Variants in ADCY10 observed in about 807,000 individuals in gnomAD.
ADCY10 encodes the protein adenylate cyclase type 10.
ADCY10 carries 156 observed loss-of-function variants against 183.3 expected under a neutral mutation model. The observed-to-expected ratio is 0.85, with a 90% confidence interval of 0.75 to 0.97. The LOEUF (loss-of-function observed/expected upper bound fraction) is 0.97. Among genes scored for constraint, ADCY10 ranks in the 50% least tolerant of loss-of-function variants. ADCY10 has a pLI of 0.00. For synonymous variants in ADCY10, 645 were observed against 670.0 expected, an observed-to-expected ratio of 0.96 and a Z score of 0.58; for missense variants, 1,745 against 1,934.3, an observed-to-expected ratio of 0.90 and a Z score of 1.84.
intron 8 of ADCY10, among the ~76,000 whole-genome samples, chr1:167,884,053 A>C (rs917615445): frequency 2.0e-5 from 3 of 152,220 alleles, no homozygotes; most frequent in Non-Finnish European, 4.4e-5. Context: ...TAATCACATC[A>C]GGGTAAATGG....
rs1314750784 is a variant in ADCY10, at chr1:167,833,023, T to C, written c.3557A>G (p.Tyr1186Cys). Reference sequence around the variant, plus strand: ...GCTCTCTTGGGCCTGCCGATTCACATAATGAAAGTGTCTGTTTTTCTCGAC... The same window carrying C: ...GCTCTCTTGGGCCTGCCGATTCACACAATGAAAGTGTCTGTTTTTCTCGAC... Reference protein sequence around the residue: ...IHVEKNRHFHYVNRQAQESPP... With the variant: ...IHVEKNRHFHCVNRQAQESPP... The change falls in exon 25 of 33, where the codon TAT (tyrosine) becomes TGT (cysteine). Residue 1186 changes from tyrosine (Y) to cysteine (C), a missense_variant. Physicochemically the swap from Tyr to Cys is radical, Grantham distance 194 (BLOSUM62 -2). Transcript: ENST00000367851. The C allele has an allele frequency of 6.2e-7, 1 of 1,613,986 alleles. No homozygotes were observed. Among genetic ancestry groups the C allele is most frequent in the Non-Finnish European group, 8.5e-7 (1 of 1,180,002 alleles).
At chr1:167,810,681 T>G (rs564883072) in intron 32 of ADCY10, 44 bp downstream of exon 32, 1 of 1,594,006 alleles carries the variant, frequency 6.3e-7, no homozygotes, top group African/African-American at 1.3e-5. Context: ...CTTCTTTATA[T>G]GGGTGAGCAT....
At position 167,853,021 on chromosome 1, in the gene ADCY10, T is replaced by G. The variant is rs147857478; in HGVS notation, c.2308+1332A>C. Among the ~76,000 whole-genome samples the G allele has an allele frequency of 4.4e-4, 67 of 152,336 alleles. 1 individual carries two copies. In the East Asian group the frequency reaches 0.012, roughly 27 times the overall value. On this transcript the variant is annotated intron_variant, in intron 18 of 32. Transcript: ENST00000367851. Reference sequence around the variant, plus strand: ...CTTTTTTATGAAATTTCCCTCATTGTCACCTTTAGGTGGTGATTTTCTATC... The same window carrying G: ...CTTTTTTATGAAATTTCCCTCATTGGCACCTTTAGGTGGTGATTTTCTATC...
At chr1:167,810,699 C>A (rs764390185) in intron 32 of ADCY10, 26 bp downstream of exon 32, 1 of 1,613,334 alleles carries the variant, frequency 6.2e-7, no homozygotes. Flanking sequence ...CATCGCCACC[C>A]CGGTTTGCTA....
rs781209806 is a variant in ADCY10 at position 167,854,341 on chromosome 1, C to T, written c.2308+12G>A. 24 of 1,613,978 alleles carry T rather than the reference C, an allele frequency of 1.5e-5. No individual in the cohort carries two copies. In the Admixed American group the frequency reaches 1.5e-4, roughly 10 times the overall value. ...GAACAGAGTAAGAAAGAACCATCAC[C>T]GCAGGACTTACTGAACAGGTTATTC... On this transcript the variant is annotated intron_variant, in intron 18 of 32. Transcript: ENST00000367851.
At chr1:167,892,754 T>C (rs1235600831) in intron 8 of ADCY10, among the ~76,000 whole-genome samples, 3 of 152,184 alleles carry the variant, frequency 2.0e-5, no homozygotes, top group Non-Finnish European at 2.9e-5. Flanking sequence ...GGACAGGCCT[T>C]TGTTACAAAG....
chr1:167,856,665 G>A (rs1240994549), intron 16 of ADCY10, among the ~76,000 whole-genome samples: 1 of 152,250 alleles, frequency 6.6e-6, no homozygotes, highest in African/African-American at 2.4e-5. Context: ...CTCTTACTTG[G>A]TCAAAGCTTT....
Position 167,845,484 on chromosome 1 carries a change from T to C in ADCY10, c.3007+79A>G, listed in dbSNP as rs371187217. ...CTTATGAGACTTGAAGCCCTCAAGA[T>C]CCACACCCACTCCTTCTAGATCTTA... is the stretch of plus-strand genomic sequence containing the variant. On this transcript the variant is annotated intron_variant, in intron 21 of 32. Coordinates refer to ENST00000367851, the MANE Select transcript of ADCY10 (RefSeq NM_018417.6). The C allele has an allele frequency of 5.4e-5, 81 of 1,492,280 alleles. No individual in the cohort carries two copies. In the East Asian group the frequency reaches 1.3e-3, roughly 24 times the overall value. 92.4% of individuals were successfully genotyped at this position (1,492,280 alleles called of 1,614,324 possible). A position where few individuals can be genotyped will look rare whatever the true frequency, so the allele number is the denominator to read the frequency against.
At chr1:167,901,937 C>G in intron 4 of ADCY10, 79 bp downstream of exon 4, 3 of 1,604,448 alleles carry the variant, frequency 1.9e-6, no homozygotes, top group Non-Finnish European at 2.6e-6. Flanking sequence ...CTCTAGGATG[C>G]CTCCTTTGTC....
At chr1:167,887,906 G>A (rs1668341131) in intron 8 of ADCY10, among the ~76,000 whole-genome samples, 1 of 151,970 alleles carries the variant, frequency 6.6e-6, no homozygotes, top group Non-Finnish European at 1.5e-5. Flanking sequence ...ATGTTTTCTT[G>A]TAGTAGTTTC....
intron 21 of ADCY10, among the ~76,000 whole-genome samples, chr1:167,840,617 A>G (rs1021288111): frequency 1.3e-5 from 2 of 152,084 alleles, no homozygotes; most frequent in Non-Finnish European, 2.9e-5. Flanking sequence ...CGGCCTCACA[A>G]AGTGCTGCAA....
rs1192719962 is a variant in ADCY10, at chr1:167,833,161, A to T, written c.3419T>A (p.Val1140Asp). 1.4e-5 allele frequency: 23 copies of T among 1,613,886 alleles called. No individual in the cohort carries two copies. Among genetic ancestry groups the T allele is most frequent in the Non-Finnish European group, 1.9e-5 (23 of 1,179,916 alleles). ...CACTATCTGGCCCATATTGAAACAG[A>T]CCTACAGGGAGGTGGGAGGGAAGAG... is the stretch of plus-strand genomic sequence containing the variant. The part of the protein sequence containing the change: ...SATFYSLKGE[V>D]CFNMGQIVLA... Residue 1140 changes from valine (V) to aspartate (D), a missense_variant and splice_region_variant, in exon 25 of 33, where the codon GTC becomes GAC. Val to Asp is a radical substitution (Grantham distance 152). Transcript: ENST00000367851.
At chr1:167,878,295 A>T in intron 12 of ADCY10, 151 bp downstream of exon 12, 1 of 795,478 alleles carries the variant, frequency 1.3e-6, no homozygotes, top group Non-Finnish European at 2.1e-6. Context: ...AGGAAAGATT[A>T]AGGATTTTGA....
In ADCY10 at chr1:167,896,586, G is replaced by C. The variant is rs774106830; in HGVS notation, c.739+9C>G. The stretch of plus-strand genomic sequence containing the variant: ...GAGGCAAAGGCATTTTTCCATGGTG[G>C]GTACTTACTTTTGTGCTCACCAGAA... On this transcript the variant is annotated intron_variant, in intron 7 of 32. Coordinates refer to ENST00000367851, the MANE Select transcript of ADCY10 (RefSeq NM_018417.6). 8 of 1,598,744 alleles carry C rather than the reference G, an allele frequency of 5.0e-6. No individual in the cohort carries two copies. The South Asian group carries it at 8.8e-5, about 18-fold the overall frequency.
intron 17 of ADCY10, among the ~76,000 whole-genome samples, chr1:167,855,383 T>C: frequency 6.6e-6 from 1 of 151,896 alleles, no homozygotes; most frequent in Non-Finnish European, 1.5e-5. Context: ...AGGAGAGGAA[T>C]CACTGAAAAG....
chr1:167,858,352 G>A (rs1477688220), intron 16 of ADCY10, among the ~76,000 whole-genome samples: 1 of 151,888 alleles, frequency 6.6e-6, no homozygotes, highest in Admixed American at 6.6e-5. Context: ...ACAAAAATTA[G>A]CTAGGTGTGG....
At chr1:167,863,929 G>A (rs1175103939) in intron 14 of ADCY10, among the ~76,000 whole-genome samples, 1 of 152,138 alleles carries the variant, frequency 6.6e-6, no homozygotes, top group African/African-American at 2.4e-5. Flanking sequence ...CTTGGTTTTG[G>A]TTTTGACTTG....
Position 167,903,978 on chromosome 1 carries a change from C to T in ADCY10, c.162G>A (p.Met54Ile). 1 of 1,611,308 alleles carries T rather than the reference C, an allele frequency of 6.2e-7. No homozygotes were observed. Among genetic ancestry groups the T allele is most frequent in the Non-Finnish European group, 8.5e-7 (1 of 1,178,150 alleles). Reference sequence around the variant, plus strand: ...ACATGGCACTGCTGAACTTCTCAGTCATTGCAGTAAAACCTGGAATAAATG... The same window carrying T: ...ACATGGCACTGCTGAACTTCTCAGTTATTGCAGTAAAACCTGGAATAAATG... ...MFVDISGFTA[M>I]TEKFSSAMYM... Residue 54 changes from methionine (M) to isoleucine (I), a missense_variant, in exon 3 of 33, where the codon ATG (methionine) becomes ATA (isoleucine). Physicochemically the swap from Met to Ile is conservative, Grantham distance 10. Coordinates refer to ENST00000367851, the MANE Select transcript of ADCY10 (RefSeq NM_018417.6).
intron 18 of ADCY10, among the ~76,000 whole-genome samples, chr1:167,851,853 T>G (rs1665514213): frequency 6.6e-6 from 1 of 152,044 alleles, no homozygotes; most frequent in South Asian, 2.1e-4. Flanking sequence ...GATACAATAC[T>G]TTAGTCTACT....
Sources: allele counts gnomAD v4.1 joint callset (sites outside exome capture counted in the v4.1 genomes callset), GRCh38; gene constraint gnomAD v4.1.1; transcripts MANE v1.5; gene names NCBI Gene and HGNC (gene_info 2026-07-23, HGNC 2026-07-21).